The following EYS variants were observed in gnomAD, a reference collection of about 807,000 sequenced individuals.
The protein encoded by EYS is protein eyes shut homolog.
EYS carries 250 observed loss-of-function variants against 282.1 expected under a neutral mutation model. The observed-to-expected ratio is 0.89, with a 90% CI of 0.80 to 0.98. The LOEUF (loss-of-function observed/expected upper bound fraction) is 0.98. Among genes scored for constraint, EYS ranks in the 50% least tolerant of loss-of-function variants. EYS has a pLI of 0.00. For missense variants in EYS, 4,016 were observed against 3,709.0 expected, an observed-to-expected ratio of 1.08 and a Z score of -2.15; for synonymous variants, 1,355 against 1,282.9, an observed-to-expected ratio of 1.06 and a Z score of -1.20.
chr6:64,933,731 C>G (rs976049289), intron 15 of EYS, among the ~76,000 whole-genome samples: 1 of 152,082 alleles, frequency 6.6e-6, no homozygotes, highest in African/African-American at 2.4e-5. Context: ...TGGAACCAAT[C>G]CAAATGCCCA....
At chr6:63,946,431 T>A (rs377757881) in intron 35 of EYS, among the ~76,000 whole-genome samples, 1 of 152,340 alleles carries the variant, frequency 6.6e-6, no homozygotes, top group South Asian at 2.1e-4. Flanking sequence ...TATTAACTCA[T>A]ACAAATGATT....
At chr6:64,134,742 C>G (rs145230668) in intron 31 of EYS, among the ~76,000 whole-genome samples, 3 of 152,076 alleles carry the variant, frequency 2.0e-5, no homozygotes, top group African/African-American at 7.2e-5. Context: ...CGAGATTCAG[C>G]CTGACTAACG....
chr6:65,189,809 A>T (rs1194924190), intron 12 of EYS, among the ~76,000 whole-genome samples: 1 of 151,818 alleles, frequency 6.6e-6, no homozygotes, highest in Non-Finnish European at 1.5e-5. Context: ...AGCATATGTG[A>T]CCATTTTGCA....
At chr6:63,946,726 ATTTT>A (rs10580253) in intron 35 of EYS, among the ~76,000 whole-genome samples, 21 of 135,636 alleles carry the variant, frequency 1.5e-4, no homozygotes, top group East Asian at 2.1e-4. Context: ...TTTATGAACT[ATTTT>A]TTTTTTTTTT....
At chr6:65,167,436 G>A (rs1186810566) in intron 12 of EYS, among the ~76,000 whole-genome samples, 2 of 151,216 alleles carry the variant, frequency 1.3e-5, no homozygotes, top group African/African-American at 4.8e-5. Context: ...TGGGTATATT[G>A]TACACTTTTA....
At chr6:64,670,046 G>C (rs1032424222) in intron 22 of EYS, among the ~76,000 whole-genome samples, 3 of 152,168 alleles carry the variant, frequency 2.0e-5, no homozygotes, top group African/African-American at 7.2e-5. Context: ...GTTTCTCCAG[G>C]ATCCGGGAGC....
In EYS at chr6:65,353,482, AT is replaced by A; in HGVS notation, c.1434del (p.Glu478AspfsTer37). ...ICQDKGPAQF[E>X]YVWQLGFAGS... is the part of the protein sequence containing the mutation. Reference sequence around the variant, plus strand: ...CCTGCAAATCCCAATTGCCACACATATTCAAATTGAGCAGGACCTTTATCTT... The same window carrying A: ...CCTGCAAATCCCAATTGCCACACATATCAAATTGAGCAGGACCTTTATCTT... On this transcript the variant is annotated frameshift_variant, in exon 9 of 43. Transcript: ENST00000503581. LOFTEE classifies it high-confidence loss of function. The A allele has an allele frequency of 6.2e-7, 1 of 1,613,224 alleles. No individual in the cohort carries two copies.
At chr6:64,051,306 GACAGTTAAGT>G (rs1770802258) in intron 33 of EYS, among the ~76,000 whole-genome samples, 2 of 152,144 alleles carry the variant, frequency 1.3e-5, no homozygotes, top group Admixed American at 1.3e-4. Context: ...AATTGTTAAG[GACAGTTAAGT>G]AGAAACAGGA....
At chr6:65,573,672 T>A (rs1452566478) in intron 2 of EYS, among the ~76,000 whole-genome samples, 1 of 152,172 alleles carries the variant, frequency 6.6e-6, no homozygotes, top group African/African-American at 2.4e-5. Context: ...TTTCAGATAC[T>A]GGAACCACAG....
chr6:65,183,507 T>G (rs1335332834), intron 12 of EYS, among the ~76,000 whole-genome samples: 1 of 151,896 alleles, frequency 6.6e-6, no homozygotes, highest in Non-Finnish European at 1.5e-5. Flanking sequence ...AATACATATC[T>G]TATAGTACTA....
chr6:65,284,465 T>C (rs2150278008), intron 12 of EYS, among the ~76,000 whole-genome samples: 1 of 152,236 alleles, frequency 6.6e-6, no homozygotes, highest in East Asian at 1.9e-4. Context: ...CATGTATGCT[T>C]ATAACTATTA....
chr6:64,421,893 G>GTGTT (rs1774248136), intron 28 of EYS, among the ~76,000 whole-genome samples: 1 of 150,852 alleles, frequency 6.6e-6, no homozygotes, highest in South Asian at 2.1e-4. Context: ...GTGTGTGTGT[G>GTGTT]TGTGTGTAGA....
intron 5 of EYS, among the ~76,000 whole-genome samples, chr6:65,434,985 C>T (rs1200866625): frequency 6.6e-6 from 1 of 151,530 alleles, no homozygotes; most frequent in Non-Finnish European, 1.5e-5. Flanking sequence ...TTCTGCATAG[C>T]TTGTATTTTG....
At chr6:65,026,090 C>T (rs1436312167) in intron 13 of EYS, among the ~76,000 whole-genome samples, 1 of 152,116 alleles carries the variant, frequency 6.6e-6, no homozygotes, top group Non-Finnish European at 1.5e-5. Flanking sequence ...TCTAGTAATT[C>T]TTCAGTCCCT....
At chr6:64,942,446 C>T (rs912065723) in intron 15 of EYS, among the ~76,000 whole-genome samples, 1 of 142,252 alleles carries the variant, frequency 7.0e-6, no homozygotes, top group African/African-American at 2.6e-5. Flanking sequence ...TTTTTGAAAG[C>T]ATAAACAAGA....
chr6:65,512,185 C>A (rs1766905070), intron 2 of EYS, among the ~76,000 whole-genome samples: 1 of 151,934 alleles, frequency 6.6e-6, no homozygotes, highest in South Asian at 2.1e-4. Flanking sequence ...CCTTACAGAT[C>A]CTCTTAGTAT....
chr6:65,392,829 C>T (rs952424734), intron 7 of EYS, among the ~76,000 whole-genome samples: 15 of 151,094 alleles, frequency 9.9e-5, no homozygotes, highest in African/African-American at 3.4e-4. Flanking sequence ...TGGGTATATA[C>T]CCAAAGGAAT....
intron 12 of EYS, among the ~76,000 whole-genome samples, chr6:65,166,835 TAAC>T (rs1764984745): frequency 6.6e-6 from 1 of 151,096 alleles, no homozygotes; most frequent in African/African-American, 2.4e-5. Context: ...ACTCATAAGA[TAAC>T]AATAAAAAGG....
rs1479431066 is a variant in EYS at position 65,219,166 on chromosome 6, A to G, written c.2023+76697T>C. Among the ~76,000 whole-genome samples, 6 of 152,194 alleles carry G rather than the reference A, an allele frequency of 3.9e-5. No individual in the cohort carries two copies. In the East Asian group the frequency reaches 9.6e-4, roughly 24 times the overall value. On this transcript the variant is annotated intron_variant, in intron 12 of 42. Coordinates refer to ENST00000503581, the MANE Select transcript of EYS (RefSeq NM_001142800.2). Reference sequence around the variant, plus strand: ...TTATATGGCATTTAAATCAAGAAACAGTAAAGCTGTAATCATTTCTGGAGA... The same window carrying G: ...TTATATGGCATTTAAATCAAGAAACGGTAAAGCTGTAATCATTTCTGGAGA...
Sources: allele counts gnomAD v4.1 joint callset (sites outside exome capture counted in the v4.1 genomes callset), GRCh38; gene constraint gnomAD v4.1.1; transcripts MANE v1.5; gene names NCBI Gene and HGNC (gene_info 2026-07-23, HGNC 2026-07-21).